Variants in BIRC6 observed in about 807,000 individuals in gnomAD.
The protein encoded by BIRC6 is baculoviral IAP repeat containing 6.
Under a neutral mutation model 503.3 loss-of-function variants are expected in BIRC6, and 98 were observed. The ratio of observed to expected loss-of-function variants is 0.19; its 90% CI spans 0.17 to 0.23. BIRC6 has a LOEUF of 0.23. Among genes scored for constraint, BIRC6 ranks in the 10% least tolerant of loss-of-function variants. The pLI is 1.00. For missense variants in BIRC6, 5,360 were observed against 5,806.0 expected, an observed-to-expected ratio of 0.92 and a Z score of 2.50; for synonymous variants, 2,240 against 2,078.7, an observed-to-expected ratio of 1.08 and a Z score of -2.11.
chr2:32,454,098 T>A, intron 23 of BIRC6, 156 bp downstream of exon 23: 4 of 272,538 alleles, frequency 1.5e-5, no homozygotes, highest in Non-Finnish European at 2.2e-5. Flanking sequence ...ATATAAATCG[T>A]TTTATATTCT....
rs1231522087 is a variant in BIRC6, at chr2:32,518,316, T to A, written c.11412T>A (p.Ile3804=). 2 of 1,611,986 alleles carry A rather than the reference T, an allele frequency of 1.2e-6. No individual in the cohort carries two copies. The highest frequency in any genetic ancestry group is 1.7e-6 in the Non-Finnish European group (2 of 1,179,392). ...GGAACCTTCCAACATCTGGGAACATTTCAGGGTTTATACGAAGATTATTTT... is the reference window on the plus strand; with the variant it reads ...GGAACCTTCCAACATCTGGGAACATATCAGGGTTTATACGAAGATTATTTT... The part of the protein sequence containing the change: ...QRGNLPTSGN[I]SGFIRRLFLQ... The change falls in exon 56 of 74, where the codon ATT becomes ATA. Residue 3804 remains isoleucine (I), a synonymous_variant. Transcript: ENST00000421745.
chr2:32,372,198 T>C (rs1170660303), intron 1 of BIRC6, among the ~76,000 whole-genome samples: 1 of 152,204 alleles, frequency 6.6e-6, no homozygotes, highest in Admixed American at 6.5e-5. Flanking sequence ...GTCATACAGG[T>C]ACACACATGC....
intron 1 of BIRC6, among the ~76,000 whole-genome samples, chr2:32,363,974 A>C (rs1307926735): frequency 6.6e-6 from 1 of 152,252 alleles, no homozygotes; most frequent in Non-Finnish European, 1.5e-5. Flanking sequence ...GTTTGTAACA[A>C]ATATACAGTA....
chr2:32,488,499 C>T, intron 41 of BIRC6, 89 bp from the exon 42 acceptor site: 3 of 1,148,830 alleles, frequency 2.6e-6, no homozygotes, highest in Non-Finnish European at 3.6e-6. Context: ...TTACTCGTGA[C>T]AAGAATTTAA....
At chr2:32,545,885 G>C in intron 63 of BIRC6, 25 bp downstream of exon 63, 1 of 1,586,034 alleles carries the variant, frequency 6.3e-7, no homozygotes, top group Non-Finnish European at 8.6e-7. Context: ...AATTATTTCA[G>C]TTATTAAAAA....
chr2:32,420,279 A>G (rs978172466), intron 10 of BIRC6, among the ~76,000 whole-genome samples: 3 of 152,110 alleles, frequency 2.0e-5, no homozygotes, highest in Non-Finnish European at 4.4e-5. Context: ...GTTTGTGTAT[A>G]ATTGGTCTTA....
chr2:32,497,827 T>A (rs1358831470), intron 45 of BIRC6, among the ~76,000 whole-genome samples: 3 of 152,166 alleles, frequency 2.0e-5, no homozygotes, highest in Non-Finnish European at 4.4e-5. Flanking sequence ...TAATTGATTT[T>A]AGACCTTTCT....
rs553402007 is a variant in BIRC6 at position 32,364,794 on chromosome 2, T to G, written c.325+7308T>G. On this transcript the variant is annotated intron_variant, in intron 1 of 73. Coordinates refer to ENST00000421745, the MANE Select transcript of BIRC6 (RefSeq NM_016252.4). The stretch of plus-strand genomic sequence containing the variant: ...TTTTTTCTTTCCTGATGTAAGAGCT[T>G]CTTGATCAAACTTCAGGCCCAGAGC... Among the ~76,000 whole-genome samples the G allele has an allele frequency of 3.3e-5, 5 of 151,740 alleles. No homozygotes were observed. In the South Asian group the frequency reaches 8.4e-4, roughly 25 times the overall value.
rs370328463 is a variant in BIRC6 at position 32,510,027 on chromosome 2, A to G, written c.10237+33A>G. On this transcript the variant is annotated intron_variant, in intron 52 of 73. Coordinates refer to ENST00000421745, the MANE Select transcript of BIRC6 (RefSeq NM_016252.4). ...TTAACTTTGATATTTAAATGTTTAC[A>G]TATCTGTAAAGTAACAGCAGTTGAA... 42 of 1,606,024 alleles carry G rather than the reference A, an allele frequency of 2.6e-5. No individual in the cohort carries two copies. In the Middle Eastern group the frequency reaches 1.5e-3, roughly 59 times the overall value.
Position 32,510,000 on chromosome 2 carries a change from A to T in BIRC6, c.10237+6A>T. 6.2e-7 allele frequency: 1 copy of T among 1,612,194 alleles called. No individual in the cohort carries two copies. Among genetic ancestry groups the T allele is most frequent in the Non-Finnish European group, 8.5e-7 (1 of 1,179,438 alleles). Reference sequence around the variant, plus strand: ...ATCAGGCAGTGATCCTACAGGTGATAATTAACTTTGATATTTAAATGTTTA... The same window carrying T: ...ATCAGGCAGTGATCCTACAGGTGATTATTAACTTTGATATTTAAATGTTTA... On this transcript the variant is annotated splice_donor_region_variant and intron_variant, in intron 52 of 73. Transcript: ENST00000421745.
At chr2:32,456,779 T>C (rs1489051728) in intron 23 of BIRC6, among the ~76,000 whole-genome samples, 1 of 152,244 alleles carries the variant, frequency 6.6e-6, no homozygotes, top group Non-Finnish European at 1.5e-5. Flanking sequence ...TTGGTTATTT[T>C]ACCTGTTTGT....
At chr2:32,599,493 C>G (rs1409623972) in intron 69 of BIRC6, among the ~76,000 whole-genome samples, 3 of 151,794 alleles carry the variant, frequency 2.0e-5, no homozygotes, top group African/African-American at 7.3e-5. Flanking sequence ...CAAAAATTAA[C>G]CGGGCATGTT....
chr2:32,540,946 A>G (rs1036208163), intron 61 of BIRC6, among the ~76,000 whole-genome samples: 2 of 152,104 alleles, frequency 1.3e-5, no homozygotes, highest in African/African-American at 4.8e-5. Flanking sequence ...TGGGAAATAT[A>G]TGATAGTGGT....
chr2:32,445,983 G>A (rs1285365771), intron 21 of BIRC6, among the ~76,000 whole-genome samples: 2 of 151,574 alleles, frequency 1.3e-5, no homozygotes, highest in Non-Finnish European at 2.9e-5. Flanking sequence ...TCAGCCTCCC[G>A]AGTAGCTGGG....
At chr2:32,510,238 C>A (rs987068512) in intron 52 of BIRC6, among the ~76,000 whole-genome samples, 2 of 152,120 alleles carry the variant, frequency 1.3e-5, no homozygotes, top group Non-Finnish European at 2.9e-5. Context: ...GCCACCACAC[C>A]CGGCTAATTT....
At chr2:32,581,585 G>T (rs1044745527) in intron 66 of BIRC6, among the ~76,000 whole-genome samples, 1 of 152,132 alleles carries the variant, frequency 6.6e-6, no homozygotes, top group African/African-American at 2.4e-5. Context: ...CCCCATAGCG[G>T]ATGGACCATT....
chr2:32,387,199 G>T (rs2038589194), intron 3 of BIRC6, among the ~76,000 whole-genome samples: 1 of 152,086 alleles, frequency 6.6e-6, no homozygotes, highest in African/African-American at 2.4e-5. Context: ...ACTATAGTTG[G>T]GGTATCATAG....
In BIRC6 at chr2:32,515,092, T is replaced by C. The variant is rs1485501481; in HGVS notation, c.10671T>C (p.Phe3557=). The C allele has an allele frequency of 1.9e-6, 3 of 1,613,896 alleles. No homozygotes were observed. The highest frequency in any genetic ancestry group is 3.3e-5 in the Admixed American group (2 of 60,012). The change falls in exon 55 of 74, where the codon TTT becomes TTC. Residue 3557 remains phenylalanine, a synonymous_variant. Coordinates refer to ENST00000421745, the MANE Select transcript of BIRC6 (RefSeq NM_016252.4). ...CSMCHVHPNY[F]SLLMGWMGIT... ...TGTGTCACGTACACCCAAACTATTT[T>C]TCTTTGCTCATGGGCTGGATGGGAA... is the stretch of plus-strand genomic sequence containing the variant.
At chr2:32,532,514 G>A (rs1235285601) in intron 61 of BIRC6, among the ~76,000 whole-genome samples, 1 of 152,106 alleles carries the variant, frequency 6.6e-6, no homozygotes, top group Non-Finnish European at 1.5e-5. Flanking sequence ...GTCATTTAAT[G>A]TAGGGTCCTG....
Sources: gnomAD v4.1 joint callset for allele counts (sites outside exome capture counted in the v4.1 genomes callset) on GRCh38, gnomAD v4.1.1 for gene constraint, MANE v1.5 for transcripts, NCBI Gene and HGNC (gene_info 2026-07-23, HGNC 2026-07-21) for gene names.